Variants in MAMDC2 observed in about 807,000 individuals in gnomAD.
The protein encoded by MAMDC2 is MAM domain-containing protein 2.
MAMDC2 carries 57 observed loss-of-function variants against 89.8 expected under a neutral mutation model. That is an observed-to-expected ratio of 0.63 (90% CI 0.51 to 0.79). The LOEUF is 0.79. Among genes scored for constraint, MAMDC2 ranks in the 30% least tolerant of loss-of-function variants. The probability of loss-of-function intolerance (pLI) is 0.00; values close to 1 mark genes in which losing one functional copy is unlikely to be tolerated. For synonymous variants in MAMDC2, 313 were observed against 293.4 expected (o/e 1.07, Z -0.68); for missense variants, 800 against 820.6 (o/e 0.97, Z 0.31).
chr9:70,079,075 G>T (rs1037403459), intron 2 of MAMDC2, among the ~76,000 whole-genome samples: 1 of 152,136 alleles, frequency 6.6e-6, no homozygotes, highest in East Asian at 1.9e-4. Context: ...TCTGGAATTT[G>T]TCTTCACTCC....
At chr9:70,199,254 T>G (rs1396823944) in intron 11 of MAMDC2, among the ~76,000 whole-genome samples, 1 of 107,610 alleles carries the variant, frequency 9.3e-6, no homozygotes, top group Admixed American at 1.3e-4. Flanking sequence ...CCTGTGTCCA[T>G]GTGATCTCAT....
chr9:70,110,571 G>C (rs1468457249), intron 4 of MAMDC2, among the ~76,000 whole-genome samples: 1 of 152,166 alleles, frequency 6.6e-6, no homozygotes, highest in African/African-American at 2.4e-5. Context: ...TTCAGGCAAA[G>C]GCAAGAGGCT....
intron 11 of MAMDC2, among the ~76,000 whole-genome samples, chr9:70,195,815 C>T (rs1164005689): frequency 1.3e-5 from 2 of 152,080 alleles, no homozygotes; most frequent in Non-Finnish European, 2.9e-5. Context: ...CCATAAAGTG[C>T]TTCCTTTAAG....
At chr9:70,211,396 C>A (rs545946374) in intron 11 of MAMDC2, among the ~76,000 whole-genome samples, 2 of 152,228 alleles carry the variant, frequency 1.3e-5, no homozygotes, top group South Asian at 4.1e-4. Context: ...TCACTGATTA[C>A]CTTTCTTCCA....
chr9:70,047,192 C>CTTTTTTT (rs11421160), intron 2 of MAMDC2, among the ~76,000 whole-genome samples: 1 of 145,864 alleles, frequency 6.9e-6, no homozygotes. Flanking sequence ...ACATGCACTT[C>CTTTTTTT]TTTTTTTTTT....
chr9:70,065,099 A>C (rs1219038233), intron 2 of MAMDC2, among the ~76,000 whole-genome samples: 2 of 152,228 alleles, frequency 1.3e-5, no homozygotes, highest in Admixed American at 6.5e-5. Flanking sequence ...CACACAGGAA[A>C]CATACTAGAG....
intron 11 of MAMDC2, among the ~76,000 whole-genome samples, chr9:70,180,863 T>A (rs2032631463): frequency 6.6e-6 from 1 of 152,248 alleles, no homozygotes; most frequent in Admixed American, 6.5e-5. Context: ...TTTAATCAGA[T>A]CACATTTGTC....
At chr9:70,104,920 G>C (rs2118236439) in intron 2 of MAMDC2, among the ~76,000 whole-genome samples, 1 of 152,146 alleles carries the variant, frequency 6.6e-6, no homozygotes, top group Non-Finnish European at 1.5e-5. Context: ...GTATTAAAAG[G>C]GTGAATTCTA....
At position 70,225,982 on chromosome 9, in the gene MAMDC2, A is replaced by G. The variant is rs1174040700; in HGVS notation, c.2011A>G (p.Thr671Ala). The change falls in exon 14 of 14, where the codon ACT becomes GCT. Residue 671 changes from threonine (T) to alanine (A), a missense_variant. Coordinates refer to ENST00000377182, the MANE Select transcript of MAMDC2 (RefSeq NM_153267.5). The part of the protein sequence containing the change: ...AGPCGEMEDT[T>A]QQSSGYSEDL... ...TTTCCTGACAGAAATGGAAGATACA[A>G]CTCAACAATCATCAGGATATTCTGA... 1.3e-6 allele frequency: 2 copies of G among 1,584,242 alleles called. No individual in the cohort carries two copies. The highest frequency in any genetic ancestry group is 2.3e-5 in the East Asian group (1 of 44,336).
chr9:70,129,437 C>T (rs113800735), intron 6 of MAMDC2, among the ~76,000 whole-genome samples: 3 of 152,110 alleles, frequency 2.0e-5, no homozygotes, highest in African/African-American at 4.8e-5. Flanking sequence ...TACCCAGTCT[C>T]GGTATGTCTT....
chr9:70,215,833 G>A (rs759811523), intron 11 of MAMDC2, among the ~76,000 whole-genome samples: 9 of 152,200 alleles, frequency 5.9e-5, no homozygotes, highest in Non-Finnish European at 1.2e-4. Context: ...ACTGGGGGAA[G>A]AGGTTGCACA....
intron 5 of MAMDC2, among the ~76,000 whole-genome samples, chr9:70,117,183 C>T (rs1425471318): frequency 6.6e-6 from 1 of 152,156 alleles, no homozygotes; most frequent in Admixed American, 6.5e-5. Flanking sequence ...ACATAATAAG[C>T]ACTTTTTACA....
chr9:70,118,131 G>C (rs2030091855), intron 5 of MAMDC2, among the ~76,000 whole-genome samples: 1 of 152,138 alleles, frequency 6.6e-6, no homozygotes, highest in Non-Finnish European at 1.5e-5. Flanking sequence ...GAATCCCAAG[G>C]TATGTGATCA....
At chr9:70,144,246 T>C (rs990706473) in intron 9 of MAMDC2, among the ~76,000 whole-genome samples, 2 of 152,212 alleles carry the variant, frequency 1.3e-5, no homozygotes, top group African/African-American at 4.8e-5. Context: ...TGGTTCTGCA[T>C]TGAGGCTTTA....
At chr9:70,208,547 G>T (rs1465831300) in intron 11 of MAMDC2, among the ~76,000 whole-genome samples, 1 of 152,122 alleles carries the variant, frequency 6.6e-6, no homozygotes, top group Non-Finnish European at 1.5e-5. Context: ...AGATGATGGG[G>T]TTTTCTAAAT....
intron 2 of MAMDC2, chr9:70,086,869 A>C (rs1827780699): frequency 6.6e-6 from 1 of 152,130 alleles, no homozygotes; most frequent in African/African-American, 2.4e-5. Flanking sequence ...ATTCTAACAA[A>C]ACCTTACAAG....
intron 2 of MAMDC2, among the ~76,000 whole-genome samples, chr9:70,059,848 T>G (rs566564821): frequency 1.7e-4 from 26 of 152,206 alleles, no homozygotes; most frequent in Non-Finnish European, 2.9e-4. Context: ...ATGAGCTCCC[T>G]TGACTGGAGG....
chr9:70,191,180 A>C (rs966414013), intron 11 of MAMDC2, among the ~76,000 whole-genome samples: 1 of 152,102 alleles, frequency 6.6e-6, no homozygotes, highest in African/African-American at 2.4e-5. Context: ...AAAGCCTTTG[A>C]TTAATTCCCA....
intron 11 of MAMDC2, among the ~76,000 whole-genome samples, chr9:70,211,448 A>C (rs1047765070): frequency 1.3e-5 from 2 of 152,170 alleles, no homozygotes; most frequent in African/African-American, 4.8e-5. Context: ...TGCATCACAT[A>C]GTTCTCTTGC....
Sources: allele counts gnomAD v4.1 joint callset (sites outside exome capture counted in the v4.1 genomes callset), GRCh38; gene constraint gnomAD v4.1.1; transcripts MANE v1.5; gene names NCBI Gene and HGNC (gene_info 2026-07-23, HGNC 2026-07-21).